Variants in PALS1 observed in about 807,000 individuals in gnomAD.
PALS1 encodes the protein protein associated with LIN7 1, MAGUK p55 family member, also known as protein PALS1.
Under a neutral mutation model 78.9 loss-of-function variants are expected in PALS1, and 31 were observed. The ratio of observed to expected loss-of-function variants is 0.39; its 90% CI spans 0.30 to 0.53. The LOEUF is 0.53. Among genes scored for constraint, PALS1 ranks in the 20% least tolerant of loss-of-function variants. The pLI is 0.67. For missense variants in PALS1, 704 were observed against 826.5 expected (o/e 0.85, Z 1.82); for synonymous variants, 276 against 270.9 (o/e 1.02, Z -0.18).
rs1263721860 is a variant in PALS1, at chr14:67,334,309, G to A, written c.*1353G>A. ...GCTTTAAAATTCAACGTATATAATT[G>A]GCATGGAAACTTAATTTGCAGTCTT... On this transcript the variant is annotated 3_prime_UTR_variant, in exon 15 of 15. Coordinates refer to ENST00000261681, the MANE Select transcript of PALS1 (RefSeq NM_022474.4). The A allele has an allele frequency of 6.6e-6, 1 of 152,508 alleles. No individual in the cohort carries two copies. The highest frequency in any genetic ancestry group is 2.4e-5 in the African/African-American group (1 of 41,416). The allele number at this position is 152,508 out of a possible 1,614,324, so 9.4% of individuals were successfully genotyped here.
chr14:67,316,760 T>C (rs913148116), intron 9 of PALS1, 72 bp from the exon 10 acceptor site: 7 of 1,264,996 alleles, frequency 5.5e-6, no homozygotes, highest in Non-Finnish European at 6.6e-6. Flanking sequence ...TGTTTTCCCT[T>C]CTTGATTAAA....
intron 13 of PALS1, among the ~76,000 whole-genome samples, chr14:67,323,241 G>GTGTGTGTGTGTC (rs1566580145): frequency 2.6e-5 from 3 of 113,240 alleles, no homozygotes; most frequent in African/African-American, 1.6e-4. Flanking sequence ...ACGTGTGTGT[G>GTGTGTGTGTGTC]TGTGTGTGTG....
chr14:67,282,546 A>G (rs2084621245), intron 3 of PALS1, among the ~76,000 whole-genome samples: 1 of 152,172 alleles, frequency 6.6e-6, no homozygotes, highest in Admixed American at 6.5e-5. Flanking sequence ...GTATGATAAT[A>G]AAAGTACAGG....
chr14:67,331,415 ACT>A (rs2085447507), intron 14 of PALS1, among the ~76,000 whole-genome samples: 1 of 151,664 alleles, frequency 6.6e-6, no homozygotes, highest in Non-Finnish European at 1.5e-5. Context: ...TTCAATTTTA[ACT>A]CTATAAAATT....
At chr14:67,255,281 A>G (rs976650515) in intron 1 of PALS1, among the ~76,000 whole-genome samples, 3 of 152,246 alleles carry the variant, frequency 2.0e-5, no homozygotes, top group Non-Finnish European at 4.4e-5. Flanking sequence ...GAGCAAAGCA[A>G]TAGCCATGTG....
intron 14 of PALS1, among the ~76,000 whole-genome samples, chr14:67,330,184 TCAGA>T (rs1430010670): frequency 6.7e-6 from 1 of 150,040 alleles, no homozygotes; most frequent in African/African-American, 2.4e-5. Context: ...AAAGGAATAA[TCAGA>T]CACTTTAGCA....
chr14:67,323,817 A>C lies in PALS1; in HGVS notation c.1851+5A>C, dbSNP rs948919130. 2.1e-6 allele frequency: 3 copies of C among 1,433,314 alleles called. No homozygotes were observed. The African/African-American group carries it at 4.3e-5, about 21-fold the overall frequency. 88.8% of individuals were successfully genotyped at this position (1,433,314 alleles called of 1,614,324 possible). A position where few individuals can be genotyped will look rare whatever the true frequency, so the allele number is the denominator to read the frequency against. ...AAAGAAGGCAAGAATCCAAAGGTAAAGTTTTCACACTATTGTACTATTCCA... is the reference window on the plus strand; with the variant it reads ...AAAGAAGGCAAGAATCCAAAGGTAACGTTTTCACACTATTGTACTATTCCA... On this transcript the variant is annotated splice_donor_5th_base_variant and intron_variant, in intron 14 of 14. Coordinates refer to ENST00000261681, the MANE Select transcript of PALS1 (RefSeq NM_022474.4).
chr14:67,254,958 A>G (rs1357010206), intron 1 of PALS1, among the ~76,000 whole-genome samples: 12 of 152,278 alleles, frequency 7.9e-5, no homozygotes, highest in South Asian at 2.1e-4. Context: ...AGACCATCCT[A>G]GCCAACATGG....
chr14:67,279,237 C>T lies in PALS1; in HGVS notation c.67C>T (p.Leu23Phe). 6.2e-7 allele frequency: 1 copy of T among 1,612,834 alleles called. No individual in the cohort carries two copies. The highest frequency in any genetic ancestry group is 8.5e-7 in the Non-Finnish European group (1 of 1,179,660). Residue 23 changes from leucine to phenylalanine, a missense_variant, in exon 3 of 15, where the codon CTT becomes TTT. Physicochemically the swap from Leu to Phe is conservative, Grantham distance 22. Transcript: ENST00000261681. ...ESDSEVKNVD[L>F]ASPEEHQKHR... Reference sequence around the variant, plus strand: ...AGACAGCGAAGTAAAAAATGTTGATCTTGCATCACCAGAGGAACATCAGAA... The same window carrying T: ...AGACAGCGAAGTAAAAAATGTTGATTTTGCATCACCAGAGGAACATCAGAA...
chr14:67,319,013 G>A (rs1199201954), intron 11 of PALS1, among the ~76,000 whole-genome samples: 4 of 151,386 alleles, frequency 2.6e-5, no homozygotes, highest in South Asian at 2.1e-4. Flanking sequence ...AGCCGAGATC[G>A]CGCCACTGCA....
chr14:67,271,260 TTCTA>T (rs1431181989), intron 2 of PALS1: 4 of 152,254 alleles, frequency 2.6e-5, no homozygotes, highest in African/African-American at 9.6e-5. Flanking sequence ...TTCCCTTTAC[TTCTA>T]TCTGATTCTC....
intron 1 of PALS1, among the ~76,000 whole-genome samples, chr14:67,269,331 A>G (rs1183343781): frequency 6.6e-6 from 1 of 151,222 alleles, no homozygotes; most frequent in African/African-American, 2.4e-5. Context: ...ATTTTTGTAC[A>G]AGTTTTTGTG....
chr14:67,253,199 G>T (rs1197369338), intron 1 of PALS1, among the ~76,000 whole-genome samples: 1 of 152,184 alleles, frequency 6.6e-6, no homozygotes, highest in African/African-American at 2.4e-5. Context: ...AATTCAGTAG[G>T]TTTTATTTTG....
intron 3 of PALS1, chr14:67,279,751 A>G (rs1378936761): frequency 1.2e-5 from 5 of 425,310 alleles, no homozygotes; most frequent in South Asian, 1.1e-4. Flanking sequence ...TTAAGTCACT[A>G]TAACATGTTT....
chr14:67,289,960 G>A (rs1363662393), intron 3 of PALS1, among the ~76,000 whole-genome samples: 1 of 151,928 alleles, frequency 6.6e-6, no homozygotes, highest in Non-Finnish European at 1.5e-5. Context: ...TTTTAGTAGA[G>A]ACGGGGTTTC....
At chr14:67,293,036 A>G (rs1189445305) in intron 4 of PALS1, among the ~76,000 whole-genome samples, 1 of 152,154 alleles carries the variant, frequency 6.6e-6, no homozygotes, top group African/African-American at 2.4e-5. Context: ...AATTTTAAGC[A>G]TTATACATTA....
intron 3 of PALS1, among the ~76,000 whole-genome samples, chr14:67,286,643 C>G (rs145799570): frequency 2.1e-3 from 309 of 144,238 alleles, no homozygotes; most frequent in African/African-American, 7.4e-3. Flanking sequence ...ATCGCTTGAG[C>G]TCAGGAGTTG....
chr14:67,313,505 A>G (rs2085124930), intron 9 of PALS1, among the ~76,000 whole-genome samples: 1 of 152,174 alleles, frequency 6.6e-6, no homozygotes. Context: ...AGATATAATT[A>G]TTTTCTACAA....
chr14:67,266,969 C>T (rs1247946626), intron 1 of PALS1, among the ~76,000 whole-genome samples: 3 of 151,706 alleles, frequency 2.0e-5, no homozygotes, highest in East Asian at 2.0e-4. Context: ...ATTAGCCAGG[C>T]GTGGTGGCCC....
Sources: allele counts gnomAD v4.1 joint callset (sites outside exome capture counted in the v4.1 genomes callset), GRCh38; gene constraint gnomAD v4.1.1; transcripts MANE v1.5; gene names NCBI Gene and HGNC (gene_info 2026-07-23, HGNC 2026-07-21).